The following MAF variants were observed in gnomAD, a reference collection of about 807,000 sequenced individuals.
MAF encodes MAF bZIP transcription factor.
Under a neutral mutation model 22.0 loss-of-function variants are expected in MAF, and 10 were observed. The ratio of observed to expected loss-of-function variants is 0.45; its 90% confidence interval spans 0.28 to 0.77. The LOEUF is 0.77. Ranked by LOEUF, MAF falls within the 30% of genes least tolerant of loss-of-function variation. The pLI is 0.12. For missense variants in MAF, 544 were observed against 548.4 expected (o/e 0.99, Z 0.08); for synonymous variants, 337 against 255.8 (o/e 1.32, Z -3.03).
chr16:79,267,897 A>G, the MAF span, among the ~76,000 whole-genome samples: 1 of 151,960 alleles, frequency 6.6e-6, no homozygotes, highest in Non-Finnish European at 1.5e-5. Flanking sequence ...TGGGCTGGGG[A>G]ATACTCCACC....
At chr16:79,306,392 G>A in the MAF span, among the ~76,000 whole-genome samples, 1 of 152,182 alleles carries the variant, frequency 6.6e-6, no homozygotes, top group South Asian at 2.1e-4. Flanking sequence ...CACATGTATG[G>A]AGTGCCTACA....
At chr16:79,451,155 C>G in the MAF span, among the ~76,000 whole-genome samples, 4 of 152,198 alleles carry the variant, frequency 2.6e-5, no homozygotes. Flanking sequence ...TGCTACCCAC[C>G]ACCTTCAGTT....
At chr16:79,246,618 C>G in the MAF span, among the ~76,000 whole-genome samples, 1 of 150,586 alleles carries the variant, frequency 6.6e-6, no homozygotes, top group Admixed American at 6.6e-5. Context: ...GAGTAGAAAA[C>G]ATGGAAATGG....
chr16:79,480,456 G>C, the MAF span, among the ~76,000 whole-genome samples: 2 of 151,932 alleles, frequency 1.3e-5, no homozygotes, highest in African/African-American at 2.4e-5. Context: ...GCAAAGAAGG[G>C]AGACGAGTCT....
chr16:79,464,552 T>C, the MAF span, among the ~76,000 whole-genome samples: 1 of 152,212 alleles, frequency 6.6e-6, no homozygotes, highest in Non-Finnish European at 1.5e-5. Flanking sequence ...TTCGAAATGC[T>C]GTACAGACCC....
chr16:79,499,873 G>A, the MAF span, among the ~76,000 whole-genome samples: 2 of 152,176 alleles, frequency 1.3e-5, no homozygotes, highest in Non-Finnish European at 2.9e-5. Flanking sequence ...TACCTTATAG[G>A]TCAACATTTG....
the MAF span, among the ~76,000 whole-genome samples, chr16:79,546,962 T>C: frequency 2.6e-5 from 4 of 152,292 alleles, no homozygotes; most frequent in East Asian, 1.9e-4. Flanking sequence ...TATGTGACAA[T>C]TGAAAGTGCA....
chr16:79,277,214 C>T, the MAF span, among the ~76,000 whole-genome samples: 1 of 152,044 alleles, frequency 6.6e-6, no homozygotes, highest in Non-Finnish European at 1.5e-5. Context: ...ACGTGCAGTT[C>T]GGTGTAACCT....
chr16:79,497,606 A>G, the MAF span, among the ~76,000 whole-genome samples: 2 of 152,206 alleles, frequency 1.3e-5, no homozygotes, highest in Admixed American at 1.3e-4. Flanking sequence ...GTGGGTCTAC[A>G]GTGACCCCAA....
the MAF span, among the ~76,000 whole-genome samples, chr16:79,233,952 A>G: frequency 6.6e-6 from 1 of 151,082 alleles, no homozygotes; most frequent in African/African-American, 2.4e-5. Context: ...AGATCACTCA[A>G]CTGCACTCCA....
chr16:79,287,886 G>T, the MAF span, among the ~76,000 whole-genome samples: 3 of 152,128 alleles, frequency 2.0e-5, no homozygotes, highest in African/African-American at 7.2e-5. Flanking sequence ...AAACAGACAA[G>T]GCACATTTTA....
chr16:79,332,054 G>A, the MAF span, among the ~76,000 whole-genome samples: 6 of 151,968 alleles, frequency 3.9e-5, no homozygotes, highest in Non-Finnish European at 7.4e-5. Context: ...CTTTGTTTTT[G>A]TTTTATTCCT....
At chr16:79,524,942 G>A in the MAF span, among the ~76,000 whole-genome samples, 1 of 152,204 alleles carries the variant, frequency 6.6e-6, no homozygotes, top group Admixed American at 6.5e-5. Context: ...TTTGCTTTAA[G>A]TAGAGCAGCA....
chr16:79,503,164 A>G, the MAF span, among the ~76,000 whole-genome samples: 2 of 152,206 alleles, frequency 1.3e-5, no homozygotes, highest in South Asian at 4.2e-4. Context: ...AATTTGAATG[A>G]AGAATGCCCA....
chr16:79,518,411 A>T, the MAF span, among the ~76,000 whole-genome samples: 11 of 152,298 alleles, frequency 7.2e-5, no homozygotes, highest in African/African-American at 2.2e-4. Flanking sequence ...CTGAATCTAG[A>T]CAGATACATC....
chr16:79,211,728 A>T, the MAF span: 1 of 1,614,178 alleles, frequency 6.2e-7, no homozygotes, highest in East Asian at 2.2e-5. Context: ...GAGCGAAGAG[A>T]CGGCCCGGAC....
the MAF span, among the ~76,000 whole-genome samples, chr16:79,527,965 A>T: frequency 6.6e-6 from 1 of 152,046 alleles, no homozygotes; most frequent in South Asian, 2.1e-4. Context: ...AACATGGCAA[A>T]ACCCCATCTC....
chr16:79,448,097 G>A, the MAF span, among the ~76,000 whole-genome samples: 1 of 152,128 alleles, frequency 6.6e-6, no homozygotes, highest in African/African-American at 2.4e-5. Flanking sequence ...AGTTGATAAA[G>A]CAGCAGCAGC....
the MAF span, among the ~76,000 whole-genome samples, chr16:79,448,551 G>A: frequency 2.6e-5 from 4 of 151,786 alleles, no homozygotes; most frequent in Non-Finnish European, 5.9e-5. Context: ...TCAGCCTCCC[G>A]AGGAGCTGGG....
Sources: gnomAD v4.1 joint callset for allele counts (sites outside exome capture counted in the v4.1 genomes callset) on GRCh38, gnomAD v4.1.1 for gene constraint, MANE v1.5 for transcripts, NCBI Gene and HGNC (gene_info 2026-07-23, HGNC 2026-07-21) for gene names.